The following DNAJC1 variants were observed in gnomAD, a reference collection of about 807,000 sequenced individuals.
DNAJC1 encodes the protein dnaJ homolog subfamily C member 1.
In DNAJC1, 58 loss-of-function variants were observed where a neutral mutation model predicts 76.6. That is an observed-to-expected ratio of 0.76 (90% CI 0.61 to 0.94). The LOEUF (loss-of-function observed/expected upper bound fraction) is 0.94. Among genes scored for constraint, DNAJC1 ranks in the 40% least tolerant of loss-of-function variants. The probability of loss-of-function intolerance (pLI) is 0.00; values close to 1 mark genes in which losing one functional copy is unlikely to be tolerated. For missense variants in DNAJC1, 689 were observed against 677.3 expected, an observed-to-expected ratio of 1.02 and a Z score of -0.19; for synonymous variants, 258 against 267.9, an observed-to-expected ratio of 0.96 and a Z score of 0.36.
intron 1 of DNAJC1, among the ~76,000 whole-genome samples, chr10:21,996,630 C>T (rs143301055): frequency 1.7e-4 from 26 of 152,120 alleles, no homozygotes; most frequent in African/African-American, 6.3e-4. Context: ...ACAAAAGATA[C>T]AATATTCTAA....
Position 21,806,010 on chromosome 10 carries a change from A to G in DNAJC1, c.1068T>C (p.Ile356=). The change falls in exon 9 of 12, where the codon ATT becomes ATC. Residue 356 remains isoleucine (I), a synonymous_variant. Transcript: ENST00000376980. ...PGGTPGRWEK[I]AHELGRSVTD... ...TCACAGATCGACCCAATTCGTGGGC[A>G]ATCTTTTCCCATCGACCTGGAGTCC... The G allele has an allele frequency of 6.2e-7, 1 of 1,611,636 alleles. No homozygotes were observed. The highest frequency in any genetic ancestry group is 8.5e-7 in the Non-Finnish European group (1 of 1,179,602).
chr10:21,806,646 C>T (rs1368975040), intron 8 of DNAJC1, among the ~76,000 whole-genome samples: 1 of 151,288 alleles, frequency 6.6e-6, no homozygotes. Flanking sequence ...TTCTATGTAA[C>T]GATATTCAAT....
At position 21,962,841 on chromosome 10, in the gene DNAJC1, A is replaced by G. The variant is rs142870163; in HGVS notation, c.223-33700T>C. ...GATGAGAAAAAGTAAAATATTGAAA[A>G]AGATCATATAACAATTAAACGGGAA... On this transcript the variant is annotated intron_variant, in intron 1 of 11. Coordinates refer to ENST00000376980, the MANE Select transcript of DNAJC1 (RefSeq NM_022365.4). Among the ~76,000 whole-genome samples, 85 of 152,064 alleles carry G rather than the reference A, an allele frequency of 5.6e-4. 1 individual carries two copies. The highest frequency in any genetic ancestry group is 2.0e-3 in the African/African-American group (81 of 41,414).
intron 1 of DNAJC1, among the ~76,000 whole-genome samples, chr10:21,930,354 T>C (rs1468441774): frequency 6.6e-6 from 1 of 152,226 alleles, no homozygotes; most frequent in Non-Finnish European, 1.5e-5. Flanking sequence ...ATAGTAAACT[T>C]GCTTACTAAA....
At chr10:21,767,169 C>A (rs1288376608) in intron 9 of DNAJC1, among the ~76,000 whole-genome samples, 1 of 151,990 alleles carries the variant, frequency 6.6e-6, no homozygotes, top group Admixed American at 6.6e-5. Flanking sequence ...TGGAAGGGAA[C>A]CCTAAGAGCA....
At chr10:21,955,267 T>G (rs181041556) in intron 1 of DNAJC1, among the ~76,000 whole-genome samples, 1 of 152,196 alleles carries the variant, frequency 6.6e-6, no homozygotes, top group Non-Finnish European at 1.5e-5. Context: ...TACTGGAACA[T>G]AGAAATTCTT....
intron 8 of DNAJC1, among the ~76,000 whole-genome samples, chr10:21,878,219 A>T (rs1836219139): frequency 6.6e-6 from 1 of 152,254 alleles, no homozygotes; most frequent in African/African-American, 2.4e-5. Flanking sequence ...TAAAAAATAC[A>T]TGAGAACCCA....
rs1466505468 is a variant in DNAJC1, at chr10:22,003,662, T to G, written c.-228A>C. The G allele has an allele frequency of 2.3e-6, 1 of 431,366 alleles. No homozygotes were observed. The highest frequency in any genetic ancestry group is 3.9e-6 in the Non-Finnish European group (1 of 258,328). The allele number at this position is 431,366 out of a possible 1,614,324, so 26.7% of individuals were successfully genotyped here. On this transcript the variant is annotated 5_prime_UTR_variant, in exon 1 of 12. Transcript: ENST00000376980. ...GGCGGGGCCGCAGCCAGCGCTACGTTCCGAAGACCCTCGCCCCCAGGCCTA... is the reference window on the plus strand; with the variant it reads ...GGCGGGGCCGCAGCCAGCGCTACGTGCCGAAGACCCTCGCCCCCAGGCCTA...
intron 8 of DNAJC1, among the ~76,000 whole-genome samples, chr10:21,877,731 C>T (rs1343960423): frequency 6.6e-6 from 1 of 152,112 alleles, no homozygotes; most frequent in Admixed American, 6.5e-5. Flanking sequence ...TAAATTGACA[C>T]AAACTTTTGG....
chr10:21,847,484 C>T (rs1835679018), intron 8 of DNAJC1, among the ~76,000 whole-genome samples: 1 of 152,066 alleles, frequency 6.6e-6, no homozygotes, highest in African/African-American at 2.4e-5. Context: ...AAATATACAA[C>T]AAATTACTGT....
At chr10:21,906,302 T>C (rs559210962) in intron 6 of DNAJC1, among the ~76,000 whole-genome samples, 1 of 152,176 alleles carries the variant, frequency 6.6e-6, no homozygotes, top group Admixed American at 6.5e-5. Flanking sequence ...CCATATATAG[T>C]TTAAGTTTCA....
At chr10:21,942,805 C>CAA (rs540122534) in intron 1 of DNAJC1, among the ~76,000 whole-genome samples, 10 of 45,316 alleles carry the variant, frequency 2.2e-4, no homozygotes, top group South Asian at 1.5e-3. Context: ...GACTCCATCT[C>CAA]AAAAAAAAAA....
At chr10:21,886,347 C>A (rs1836366308) in intron 7 of DNAJC1, among the ~76,000 whole-genome samples, 1 of 151,974 alleles carries the variant, frequency 6.6e-6, no homozygotes, top group Non-Finnish European at 1.5e-5. Context: ...AAATTAGGCT[C>A]CCAACTAAAA....
intron 7 of DNAJC1, 31 bp downstream of exon 7, chr10:21,904,489 GAC>G: frequency 8.1e-7 from 1 of 1,241,722 alleles, no homozygotes. Flanking sequence ...AATTTTATAT[GAC>G]ATTGTTAAAA....
At chr10:21,856,655 A>G (rs1305313438) in intron 8 of DNAJC1, among the ~76,000 whole-genome samples, 1 of 152,194 alleles carries the variant, frequency 6.6e-6, no homozygotes, top group Non-Finnish European at 1.5e-5. Context: ...ATTTTGATAA[A>G]GAGGGCTGGT....
At chr10:21,797,988 A>C (rs1426850899) in intron 9 of DNAJC1, among the ~76,000 whole-genome samples, 2 of 152,232 alleles carry the variant, frequency 1.3e-5, no homozygotes, top group East Asian at 1.9e-4. Flanking sequence ...CACATTTTAA[A>C]AAGTCGCTTT....
chr10:21,834,722 G>C (rs1173751702), intron 8 of DNAJC1, among the ~76,000 whole-genome samples: 2 of 152,200 alleles, frequency 1.3e-5, no homozygotes, highest in Non-Finnish European at 2.9e-5. Flanking sequence ...CTCGCTCATT[G>C]CTAGCACAGC....
chr10:21,799,611 CT>C (rs1427250234), intron 9 of DNAJC1, among the ~76,000 whole-genome samples: 1 of 151,762 alleles, frequency 6.6e-6, no homozygotes, highest in South Asian at 2.1e-4. Context: ...CCTTTTTTTT[CT>C]TTTCCACATT....
intron 1 of DNAJC1, among the ~76,000 whole-genome samples, chr10:21,978,288 A>G (rs1838097554): frequency 1.3e-5 from 2 of 152,182 alleles, no homozygotes; most frequent in South Asian, 4.1e-4. Flanking sequence ...ATGCAACAAC[A>G]TGCAAACTCT....
Sources: allele counts gnomAD v4.1 joint callset (sites outside exome capture counted in the v4.1 genomes callset), GRCh38; gene constraint gnomAD v4.1.1; transcripts MANE v1.5; gene names NCBI Gene and HGNC (gene_info 2026-07-23, HGNC 2026-07-21).